The following TANC2 variants were observed in gnomAD, a reference collection of about 807,000 sequenced individuals.
The protein encoded by TANC2 is tetratricopeptide repeat, ankyrin repeat and coiled-coil containing 2, also known as protein TANC2.
In TANC2, 26 loss-of-function variants were observed where a neutral mutation model predicts 210.5. The ratio of observed to expected loss-of-function variants is 0.12; its 90% CI spans 0.09 to 0.17. The LOEUF is 0.17. TANC2 is among the 10% of genes least tolerant of loss of function. The probability of loss-of-function intolerance (pLI) is 1.00; values close to 1 mark genes in which losing one functional copy is unlikely to be tolerated. For missense variants in TANC2, 2,129 were observed against 2,608.9 expected (o/e 0.82, Z 4.01); for synonymous variants, 931 against 967.1 (o/e 0.96, Z 0.69).
At chr17:63,145,404 A>T (rs117788029) in intron 4 of TANC2, among the ~76,000 whole-genome samples, 36 of 152,162 alleles carry the variant, frequency 2.4e-4, no homozygotes, top group Non-Finnish European at 4.9e-4. Flanking sequence ...AAGATTCTGC[A>T]TATGAAAGCT....
At chr17:63,123,065 A>G (rs1411049537) in intron 4 of TANC2, among the ~76,000 whole-genome samples, 2 of 152,232 alleles carry the variant, frequency 1.3e-5, no homozygotes, top group African/African-American at 2.4e-5. Flanking sequence ...GAAAATGTAT[A>G]AAGAGAAAAA....
At chr17:63,222,967 C>T (rs1120106) in intron 7 of TANC2, among the ~76,000 whole-genome samples, 88,860 of 152,124 alleles carry the variant, frequency 0.58, 27,960 homozygotes, top group African/African-American at 0.82. Flanking sequence ...GTATGACACA[C>T]TGATACATGC....
rs1350086113 is a variant in TANC2 at position 63,203,729 on chromosome 17, A to C, written c.769+2772A>C. Among the ~76,000 whole-genome samples the C allele has an allele frequency of 2.6e-5, 4 of 152,176 alleles. 1 individual carries two copies. The highest frequency in any genetic ancestry group is 5.9e-5 in the Non-Finnish European group (4 of 68,026). ...GAAGAAAACAGAGGACTGAGCACAA[A>C]ATCTTAGAGCACATTCAAAGAGCAG... On this transcript the variant is annotated intron_variant, in intron 7 of 27. Coordinates refer to ENST00000689528, the Ensembl canonical transcript of TANC2.
Position 63,312,625 on chromosome 17 carries a change from T to G in TANC2, c.1160-1763T>G, listed in dbSNP as rs147522371. On this transcript the variant is annotated intron_variant, in intron 9 of 27. Coordinates refer to ENST00000689528, the Ensembl canonical transcript of TANC2. ...TCAAAAAACTATTAGGTACTATGCT[T>G]AGTACCTGAGGGACAGAATCATTCA... is the stretch of plus-strand genomic sequence containing the variant. 3.8e-4 allele frequency among the ~76,000 whole-genome samples: 58 copies of G among 152,284 alleles called. 1 individual carries two copies. In the East Asian group the frequency reaches 0.011, roughly 28 times the overall value.
intron 9 of TANC2, among the ~76,000 whole-genome samples, chr17:63,310,995 G>A (rs140457968): frequency 3.7e-4 from 56 of 152,254 alleles, no homozygotes; most frequent in African/African-American, 8.9e-4. Flanking sequence ...TTGTAGTACC[G>A]CTTTTCGTGA....
chr17:63,094,198 G>A (rs1396735641), intron 3 of TANC2, among the ~76,000 whole-genome samples: 3 of 151,830 alleles, frequency 2.0e-5, no homozygotes, highest in East Asian at 1.9e-4. Flanking sequence ...AGGCAATCAT[G>A]TTGTCTGATC....
At chr17:63,114,473 C>G (rs1401274588) in intron 4 of TANC2, among the ~76,000 whole-genome samples, 1 of 152,150 alleles carries the variant, frequency 6.6e-6, no homozygotes, top group Non-Finnish European at 1.5e-5. Context: ...TTTTTCTTCT[C>G]TGTCACTCAT....
intron 11 of TANC2, among the ~76,000 whole-genome samples, chr17:63,335,026 C>T (rs2045978899): frequency 1.3e-5 from 2 of 152,124 alleles, no homozygotes; most frequent in South Asian, 2.1e-4. Flanking sequence ...GTGGTGAGGA[C>T]AGCACCAAGC....
intron 9 of TANC2, among the ~76,000 whole-genome samples, chr17:63,273,853 T>G (rs1295185044): frequency 1.3e-5 from 2 of 152,194 alleles, no homozygotes; most frequent in Non-Finnish European, 2.9e-5. Context: ...CCACACCTAC[T>G]GAATCAGAAA....
At chr17:62,983,667 T>C (rs2032421265) in intron 1 of TANC2, among the ~76,000 whole-genome samples, 1 of 152,156 alleles carries the variant, frequency 6.6e-6, no homozygotes, top group South Asian at 2.1e-4. Flanking sequence ...GACAGTTTTT[T>C]TATCATGAGG....
At chr17:63,017,768 A>C (rs1376607433) in intron 2 of TANC2, among the ~76,000 whole-genome samples, 1 of 152,248 alleles carries the variant, frequency 6.6e-6, no homozygotes, top group Non-Finnish European at 1.5e-5. Context: ...ACTAAACCTC[A>C]AATTGGTTAG....
intron 8 of TANC2, among the ~76,000 whole-genome samples, chr17:63,238,672 A>C (rs1483305000): frequency 6.6e-6 from 1 of 152,246 alleles, no homozygotes; most frequent in Non-Finnish European, 1.5e-5. Context: ...AAATTGTATT[A>C]GTCCGTTTTC....
intron 1 of TANC2, among the ~76,000 whole-genome samples, chr17:62,974,882 T>G (rs1286137601): frequency 6.6e-6 from 1 of 152,148 alleles, no homozygotes; most frequent in Non-Finnish European, 1.5e-5. Context: ...TAAAGAAAAG[T>G]ACGTAAGCAA....
At chr17:63,367,287 A>T (rs567204398) in intron 14 of TANC2, among the ~76,000 whole-genome samples, 1 of 152,202 alleles carries the variant, frequency 6.6e-6, no homozygotes, top group East Asian at 1.9e-4. Flanking sequence ...AAGCCATTAT[A>T]CTCTAAAGCA....
chr17:63,302,109 A>T lies in TANC2; in HGVS notation c.1160-12279A>T, dbSNP rs142701336. On this transcript the variant is annotated intron_variant, in intron 9 of 27. Coordinates refer to ENST00000689528, the Ensembl canonical transcript of TANC2. ...GTTTTGAGTGAGTTTCTTAATCCTGAGTTCTAATTTGATTGCACTGTGGTC... is the reference window on the plus strand; with the variant it reads ...GTTTTGAGTGAGTTTCTTAATCCTGTGTTCTAATTTGATTGCACTGTGGTC... 8.3e-3 allele frequency among the ~76,000 whole-genome samples: 1,271 copies of T among 152,300 alleles called. 15 individuals are homozygous for T. Among genetic ancestry groups the T allele is most frequent in the African/African-American group, 0.028 (1,162 of 41,562 alleles).
intron 14 of TANC2, among the ~76,000 whole-genome samples, chr17:63,364,025 T>C (rs1032384321): frequency 7.9e-5 from 12 of 152,344 alleles, no homozygotes; most frequent in African/African-American, 2.4e-4. Flanking sequence ...TGTAATATTA[T>C]TGGGGATTTA....
At chr17:63,334,839 T>C (rs1456036364) in intron 11 of TANC2, among the ~76,000 whole-genome samples, 1 of 152,250 alleles carries the variant, frequency 6.6e-6, no homozygotes, top group African/African-American at 2.4e-5. Flanking sequence ...TGAATAGTCC[T>C]GCAGGCTGTA....
At chr17:62,978,921 A>G (rs2032161633) in intron 1 of TANC2, 1 of 152,206 alleles carries the variant, frequency 6.6e-6, no homozygotes, top group African/African-American at 2.4e-5. Context: ...AGATGCCAGC[A>G]AAGCATTTAA....
intron 1 of TANC2, chr17:62,967,010 G>A (rs2031381154): frequency 6.6e-6 from 1 of 152,288 alleles, no homozygotes. Context: ...TCTGGATGAC[G>A]GGGACCAAGG....
Sources: gnomAD v4.1 joint callset for allele counts (sites outside exome capture counted in the v4.1 genomes callset) on GRCh38, gnomAD v4.1.1 for gene constraint, MANE v1.5 for transcripts, NCBI Gene and HGNC (gene_info 2026-07-23, HGNC 2026-07-21) for gene names.